N4BP1: variants seen among roughly 807,000 people sequenced by gnomAD.
The protein encoded by N4BP1 is NEDD4-binding protein 1.
A neutral mutation model predicts 70.9 loss-of-function variants in N4BP1; 21 were observed. That is an observed-to-expected ratio of 0.30 (90% confidence interval 0.21 to 0.43). The LOEUF (loss-of-function observed/expected upper bound fraction) is 0.43. N4BP1 is among the 20% of genes least tolerant of loss of function. The probability of loss-of-function intolerance (pLI) is 1.00; values close to 1 mark genes in which losing one functional copy is unlikely to be tolerated. For synonymous variants in N4BP1, 387 were observed against 394.6 expected (o/e 0.98, Z 0.23); for missense variants, 936 against 1,069.4 (o/e 0.88, Z 1.74).
intron 5 of N4BP1, among the ~76,000 whole-genome samples, chr16:48,547,358 A>G (rs1404083995): frequency 2.6e-5 from 4 of 152,242 alleles, no homozygotes; most frequent in African/African-American, 9.6e-5. Context: ...AAGTCCTAGA[A>G]GCCAGTGCCC....
rs1287372325 is a variant in N4BP1 at position 48,566,472 on chromosome 16, A to C, written c.199-4028T>G. ...ATATATTTTTCAAAATTTCCCTTTG[A>C]CTCGTAAATTTAGAAGTGTTACTTA... On this transcript the variant is annotated intron_variant, in intron 1 of 6. Transcript: ENST00000262384. 3.3e-5 allele frequency among the ~76,000 whole-genome samples: 5 copies of C among 151,904 alleles called. No individual in the cohort carries two copies. The East Asian group carries it at 9.6e-4, about 29-fold the overall frequency.
intron 2 of N4BP1, among the ~76,000 whole-genome samples, chr16:48,557,094 GT>G (rs767692768): frequency 1.3e-5 from 2 of 152,132 alleles, no homozygotes; most frequent in Non-Finnish European, 2.9e-5. Context: ...TACTGTGGAG[GT>G]TTTCATGGTG....
intron 1 of N4BP1, among the ~76,000 whole-genome samples, chr16:48,564,365 T>G (rs1469416353): frequency 6.6e-6 from 1 of 152,226 alleles, no homozygotes; most frequent in East Asian, 1.9e-4. Context: ...GAGGGTTAGC[T>G]TGAGCTTCAC....
chr16:48,576,122 C>T (rs1227167476), intron 1 of N4BP1, among the ~76,000 whole-genome samples: 1 of 151,642 alleles, frequency 6.6e-6, no homozygotes, highest in Non-Finnish European at 1.5e-5. Context: ...CAGACATTAA[C>T]GTGAGTCCTA....
chr16:48,569,502 C>G (rs1411877995), intron 1 of N4BP1, among the ~76,000 whole-genome samples: 1 of 152,158 alleles, frequency 6.6e-6, no homozygotes, highest in Non-Finnish European at 1.5e-5. Flanking sequence ...AGTGATCCAC[C>G]CTCCTCAGCC....
At chr16:48,546,280 G>A (rs762442785) in intron 5 of N4BP1, 26 bp from the exon 6 acceptor site, 2 of 1,524,910 alleles carry the variant, frequency 1.3e-6, no homozygotes, top group Admixed American at 2.0e-5. Flanking sequence ...CCATGAGGCT[G>A]AGAGACAGGG....
intron 1 of N4BP1, among the ~76,000 whole-genome samples, chr16:48,605,605 T>TA (rs1032004099): frequency 2.7e-4 from 41 of 152,264 alleles, no homozygotes; most frequent in Admixed American, 2.1e-3. Context: ...TTCTCACTCT[T>TA]AGACATTGCC....
intron 1 of N4BP1, among the ~76,000 whole-genome samples, chr16:48,583,133 T>C (rs769069092): frequency 1.2e-4 from 18 of 152,112 alleles, no homozygotes; most frequent in Non-Finnish European, 2.2e-4. Context: ...ATGTTATATA[T>C]AGTCATCCCT....
rs1963868904 is a variant in N4BP1 at position 48,562,095 on chromosome 16, T to C, written c.548A>G (p.Lys183Arg). ...MDLLILPTSL[K>R]KELLTLTQGE... The stretch of plus-strand genomic sequence containing the variant: ...TTGTGTGAGTGTCAAAAGTTCTTTT[T>C]TCAAGGAAGTGGGCAAAATCAACAA... The change falls in exon 2 of 7, where the codon AAA becomes AGA. Residue 183 changes from lysine to arginine, a missense_variant. Physicochemically the swap from Lys to Arg is conservative, Grantham distance 26 (BLOSUM62 2). This residue lies in a region of N4BP1 where 5 missense variants were observed against 17.1 expected (regional missense o/e 0.29). Transcript: ENST00000262384. The C allele has an allele frequency of 6.2e-7, 1 of 1,613,734 alleles. No homozygotes were observed. The highest frequency in any genetic ancestry group is 1.7e-5 in the Admixed American group (1 of 59,956).
intron 1 of N4BP1, among the ~76,000 whole-genome samples, chr16:48,570,107 T>C (rs563568924): frequency 6.8e-4 from 102 of 150,720 alleles, no homozygotes; most frequent in African/African-American, 2.5e-3. Context: ...CAAGCTTCGA[T>C]TGCCACCACA....
Position 48,560,889 on chromosome 16 carries a change from T to C in N4BP1, c.1754A>G (p.His585Arg), listed in dbSNP as rs778439794. 6.2e-7 allele frequency: 1 copy of C among 1,614,020 alleles called. No individual in the cohort carries two copies. Among genetic ancestry groups the C allele is most frequent in the Admixed American group, 1.7e-5 (1 of 60,026 alleles). The change falls in exon 2 of 7, where the codon CAT (histidine) becomes CGT (arginine). Residue 585 changes from histidine to arginine, a missense_variant. Transcript: ENST00000262384. ...AACCCCAGTAACTGAGGAATCAATA[T>C]GATCAGAAGGTCCTGCCGACCTTGC... ...TDARSAGPSD[H>R]IDSSVTGVQR...
intron 4 of N4BP1, among the ~76,000 whole-genome samples, 158 bp downstream of exon 4, chr16:48,551,228 T>C (rs1597091734): frequency 6.6e-6 from 1 of 152,366 alleles, no homozygotes; most frequent in East Asian, 1.9e-4. Context: ...CTAAAAACTA[T>C]GTAGCAAATA....
intron 1 of N4BP1, among the ~76,000 whole-genome samples, chr16:48,586,753 T>C (rs1289736497): frequency 1.3e-5 from 2 of 152,248 alleles, no homozygotes; most frequent in African/African-American, 4.8e-5. Context: ...ATGTTAAAAC[T>C]AATTTCTTTG....
chr16:48,596,362 A>T (rs1403328685), intron 1 of N4BP1, among the ~76,000 whole-genome samples: 1 of 152,190 alleles, frequency 6.6e-6, no homozygotes, highest in African/African-American at 2.4e-5. Flanking sequence ...TTTGTCATGA[A>T]GCCTTGGAAC....
intron 1 of N4BP1, among the ~76,000 whole-genome samples, chr16:48,605,481 C>T (rs886121638): frequency 6.6e-6 from 1 of 152,148 alleles, no homozygotes; most frequent in Admixed American, 6.5e-5. Flanking sequence ...CCAGTACCTC[C>T]CTTTTGTCTC....
intron 1 of N4BP1, among the ~76,000 whole-genome samples, chr16:48,573,081 C>T (rs1312687905): frequency 6.7e-6 from 1 of 149,832 alleles, no homozygotes; most frequent in East Asian, 2.0e-4. Context: ...TGCACTCTAG[C>T]CTGGGCAACA....
At chr16:48,606,135 C>A (rs1964578415) in intron 1 of N4BP1, among the ~76,000 whole-genome samples, 1 of 152,122 alleles carries the variant, frequency 6.6e-6, no homozygotes, top group Admixed American at 6.5e-5. Context: ...GAGAAGTCTT[C>A]CTTAAATGTT....
intron 1 of N4BP1, among the ~76,000 whole-genome samples, chr16:48,582,949 T>C (rs1401693325): frequency 1.3e-5 from 2 of 152,138 alleles, no homozygotes; most frequent in African/African-American, 2.4e-5. Context: ...GTGGGCATGA[T>C]GGTAAACTCG....
Position 48,542,893 on chromosome 16 carries a change from C to T in N4BP1, c.*11G>A. On this transcript the variant is annotated 3_prime_UTR_variant, in exon 7 of 7. Coordinates refer to ENST00000262384, the MANE Select transcript of N4BP1 (RefSeq NM_153029.4). Reference sequence around the variant, plus strand: ...CAGCCCTGAGCGCAAGCTCAGCGCTCAGCACAATCTTCAATCCAACACCAT... The same window carrying T: ...CAGCCCTGAGCGCAAGCTCAGCGCTTAGCACAATCTTCAATCCAACACCAT... 1 of 1,592,448 alleles carries T rather than the reference C, an allele frequency of 6.3e-7. No individual in the cohort carries two copies. Among genetic ancestry groups the T allele is most frequent in the Non-Finnish European group, 8.6e-7 (1 of 1,164,888 alleles).
Sources: gnomAD v4.1 joint callset for allele counts (sites outside exome capture counted in the v4.1 genomes callset) on GRCh38, gnomAD v4.1.1 for gene constraint, gnomAD v4.1.1 regional missense constraint, MANE v1.5 for transcripts, NCBI Gene and HGNC (gene_info 2026-07-23, HGNC 2026-07-21) for gene names.